CACNA2D3: variants seen among roughly 807,000 people sequenced by gnomAD.
CACNA2D3 encodes calcium voltage-gated channel auxiliary subunit alpha2delta 3.
A neutral mutation model predicts 160.6 loss-of-function variants in CACNA2D3; 60 were observed. The observed-to-expected ratio is 0.37, with a 90% confidence interval of 0.30 to 0.46. The LOEUF is 0.46. CACNA2D3 is among the 20% of genes least tolerant of loss of function. CACNA2D3 has a pLI of 1.00. For missense variants in CACNA2D3, 1,205 were observed against 1,365.0 expected (o/e 0.88, Z 1.85); for synonymous variants, 558 against 492.9 (o/e 1.13, Z -1.75).
At chr3:54,240,682 T>G (rs1701958626) in intron 2 of CACNA2D3, among the ~76,000 whole-genome samples, 1 of 152,146 alleles carries the variant, frequency 6.6e-6, no homozygotes, top group Non-Finnish European at 1.5e-5. Context: ...TCTGCTGGTT[T>G]TGTAAGGAGA....
At chr3:54,552,294 A>G (rs1042081402) in intron 5 of CACNA2D3, among the ~76,000 whole-genome samples, 43 of 152,114 alleles carry the variant, frequency 2.8e-4, no homozygotes, top group African/African-American at 9.9e-4. Flanking sequence ...AAGTACTAAG[A>G]TGTCCTGTCA....
intron 5 of CACNA2D3, among the ~76,000 whole-genome samples, chr3:54,522,448 T>A (rs1701660069): frequency 6.6e-6 from 1 of 152,220 alleles, no homozygotes; most frequent in African/African-American, 2.4e-5. Flanking sequence ...AATTTCTATG[T>A]ACAAGCTTAT....
chr3:54,490,551 G>A (rs1701092784), intron 4 of CACNA2D3, among the ~76,000 whole-genome samples: 1 of 152,198 alleles, frequency 6.6e-6, no homozygotes, highest in African/African-American at 2.4e-5. Context: ...AAGTGGTACA[G>A]ACAAGGACAG....
intron 25 of CACNA2D3, among the ~76,000 whole-genome samples, chr3:54,894,151 G>A (rs1399179516): frequency 6.6e-6 from 1 of 152,138 alleles, no homozygotes; most frequent in Non-Finnish European, 1.5e-5. Context: ...CACTGCAATA[G>A]CTCCTAGTAT....
In CACNA2D3 at chr3:54,503,599, G is replaced by A. The variant is rs1454681284; in HGVS notation, c.489G>A (p.Leu163=). The A allele has an allele frequency of 6.2e-7, 1 of 1,613,784 alleles. No individual in the cohort carries two copies. Among genetic ancestry groups the A allele is most frequent in the Non-Finnish European group, 8.5e-7 (1 of 1,179,806 alleles). Residue 163 remains leucine (L), a synonymous_variant, in exon 5 of 38, where the codon TTG becomes TTA. Coordinates refer to ENST00000474759, the MANE Select transcript of CACNA2D3 (RefSeq NM_018398.3). The stretch of plus-strand genomic sequence containing the variant: ...CCCCAAATGACCATTTTAATAATTT[G>A]CCTGTGAACATCAGTCTAAGTGACG... ...ILAPNDHFNN[L]PVNISLSDVQ...
intron 4 of CACNA2D3, among the ~76,000 whole-genome samples, chr3:54,466,401 A>T (rs549316871): frequency 6.6e-6 from 1 of 152,324 alleles, no homozygotes; most frequent in East Asian, 1.9e-4. Flanking sequence ...TATACCACCC[A>T]TTGTTGTAAA....
chr3:55,026,983 G>C (rs571072038), intron 35 of CACNA2D3, among the ~76,000 whole-genome samples: 1 of 148,742 alleles, frequency 6.7e-6, no homozygotes, highest in African/African-American at 2.6e-5. Flanking sequence ...CGCTAAGCGC[G>C]CATGCACGCA....
Position 54,570,005 on chromosome 3 carries a change from C to T in CACNA2D3, c.789C>T (p.Val263=). ...AAGACGTGGTCATTTTAGTTGACGT[C>T]AGTGGCAGCATGAAAGGACTCCGTC... The part of the protein sequence containing the change: ...SPKDVVILVD[V]SGSMKGLRLT... Residue 263 remains valine, a synonymous_variant, in exon 8 of 38, where the codon GTC becomes GTT. Coordinates refer to ENST00000474759, the MANE Select transcript of CACNA2D3 (RefSeq NM_018398.3). 1 of 1,614,008 alleles carries T rather than the reference C, an allele frequency of 6.2e-7. No homozygotes were observed. Among genetic ancestry groups the T allele is most frequent in the Non-Finnish European group, 8.5e-7 (1 of 1,179,876 alleles).
At chr3:54,541,210 G>A (rs1396660489) in intron 5 of CACNA2D3, among the ~76,000 whole-genome samples, 3 of 143,324 alleles carry the variant, frequency 2.1e-5, no homozygotes, top group Non-Finnish European at 4.5e-5. Flanking sequence ...CTGGGAGGCA[G>A]AGCTTGCAGT....
intron 14 of CACNA2D3, among the ~76,000 whole-genome samples, chr3:54,826,953 G>C: frequency 6.6e-6 from 1 of 152,162 alleles, no homozygotes; most frequent in Middle Eastern, 3.2e-3. Context: ...GATGTCCCAG[G>C]CACTGTGCTA....
At chr3:55,073,142 A>C (rs1704853521) in intron 35 of CACNA2D3, among the ~76,000 whole-genome samples, 1 of 152,020 alleles carries the variant, frequency 6.6e-6, no homozygotes, top group African/African-American at 2.4e-5. Context: ...GACCTCTTAA[A>C]CCTTGGGAAC....
intron 17 of CACNA2D3, among the ~76,000 whole-genome samples, chr3:54,865,330 AAG>A (rs1225704304): frequency 5.9e-5 from 9 of 152,328 alleles, no homozygotes; most frequent in African/African-American, 2.2e-4. Context: ...TTACATGGAT[AAG>A]AGGGGGAAAG....
At chr3:54,217,928 T>C (rs566804006) in intron 2 of CACNA2D3, among the ~76,000 whole-genome samples, 2 of 151,186 alleles carry the variant, frequency 1.3e-5, no homozygotes, top group East Asian at 3.9e-4. Context: ...GAAAGAGATG[T>C]GTTAGAGAGG....
chr3:54,699,962 T>G (rs1179869932), intron 11 of CACNA2D3, among the ~76,000 whole-genome samples: 1 of 152,200 alleles, frequency 6.6e-6, no homozygotes, highest in Non-Finnish European at 1.5e-5. Context: ...AATCGTGTGT[T>G]TGTGTGGGTG....
chr3:54,534,290 T>A (rs1701852208), intron 5 of CACNA2D3, among the ~76,000 whole-genome samples: 3 of 152,226 alleles, frequency 2.0e-5, no homozygotes. Context: ...ATTTTTAAAA[T>A]TGACAAATAA....
intron 11 of CACNA2D3, among the ~76,000 whole-genome samples, chr3:54,695,126 T>C (rs894799724): frequency 2.0e-5 from 3 of 152,176 alleles, no homozygotes; most frequent in Admixed American, 2.0e-4. Context: ...CAAGTGATTC[T>C]CCTGCCTCAG....
chr3:54,251,442 T>G (rs1702188049), intron 2 of CACNA2D3, among the ~76,000 whole-genome samples: 1 of 152,222 alleles, frequency 6.6e-6, no homozygotes, highest in African/African-American at 2.4e-5. Context: ...AAGCCATAGA[T>G]TATTTTGTTT....
rs559813299 is a variant in CACNA2D3, at chr3:54,993,011, G to T, written c.2690+5258G>T. On this transcript the variant is annotated intron_variant, in intron 31 of 37. Coordinates refer to ENST00000474759, the MANE Select transcript of CACNA2D3 (RefSeq NM_018398.3). ...AAACACCTTAAAACAACGAGATCTC[G>T]TGAGCACTCACTCACTATCACAAGA... 5.3e-5 allele frequency among the ~76,000 whole-genome samples: 8 copies of T among 152,090 alleles called. No individual in the cohort carries two copies. In the East Asian group the frequency reaches 7.8e-4, roughly 15 times the overall value.
chr3:54,520,729 G>A (rs147085810), intron 5 of CACNA2D3, among the ~76,000 whole-genome samples: 67 of 152,196 alleles, frequency 4.4e-4, no homozygotes, highest in African/African-American at 1.5e-3. Context: ...TTTCATCACC[G>A]CACAAAGAAA....
Sources: gnomAD v4.1 joint callset for allele counts (sites outside exome capture counted in the v4.1 genomes callset) on GRCh38, gnomAD v4.1.1 for gene constraint, MANE v1.5 for transcripts, NCBI Gene and HGNC (gene_info 2026-07-23, HGNC 2026-07-21) for gene names.